TMCO6: variants seen among roughly 807,000 people sequenced by gnomAD.
TMCO6 encodes transmembrane and coiled-coil domain-containing protein 6.
In TMCO6, 47 loss-of-function variants were observed where a neutral mutation model predicts 61.8. That is an observed-to-expected ratio of 0.76 (90% confidence interval 0.60 to 0.97). The LOEUF is 0.97. TMCO6 is among the 50% of genes least tolerant of loss of function. The pLI, the probability that TMCO6 is intolerant of heterozygous loss-of-function variation, is 0.00. For missense variants in TMCO6, 557 were observed against 601.6 expected (o/e 0.93, Z 0.78); for synonymous variants, 261 against 254.2 (o/e 1.03, Z -0.25).
chr5:140,647,610 C>G, downstream of TMCO6: 1 of 1,604,808 alleles, frequency 6.2e-7, no homozygotes, highest in Non-Finnish European at 8.5e-7. Context: ...GTCGCCAATT[C>G]CAGGTCTTCA....
At chr5:140,630,586 TTGATGAAGTG>T in the TMCO6 span, among the ~76,000 whole-genome samples, 141 of 152,358 alleles carry the variant, frequency 9.3e-4, no homozygotes, top group African/African-American at 3.2e-3. Context: ...CTGTAACCAT[TTGATGAAGTG>T]TGATCAGAGC....
rs562146927 is a variant in TMCO6 at position 140,644,555 on chromosome 5, ATAT to A, written c.1201-17_1201-15del. On this transcript the variant is annotated splice_polypyrimidine_tract_variant and intron_variant, in intron 10 of 11. Coordinates refer to ENST00000394671, the MANE Select transcript of TMCO6 (RefSeq NM_018502.5). ...TTGTGTTTCATTCTTTGTAGACTAT[ATAT>A]GTGTCTATCTGCAGGTGCTCACAGT... 697 of 1,613,406 alleles carry A rather than the reference ATAT, an allele frequency of 4.3e-4. No homozygotes were observed. Among genetic ancestry groups the A allele is most frequent in the Admixed American group, 1.3e-3 (75 of 59,876 alleles).
At chr5:140,647,197 C>T, downstream of TMCO6, 1 of 1,504,424 alleles carries the variant, frequency 6.6e-7, no homozygotes, top group Non-Finnish European at 8.9e-7. Context: ...GCGGTCCCTT[C>T]TCTTCTCAAA....
rs371732987 is a variant in TMCO6 at position 140,644,728 on chromosome 5, G to T, written c.1356G>T (p.Leu452=). Residue 452 remains leucine (L), a synonymous_variant, in exon 11 of 12, where the codon CTG becomes CTT. Transcript: ENST00000394671. ...QSLELLHLLF[L]YQPEAVQVFL... ...TGGAGCTGCTGCATCTGCTGTTCCT[G>T]TATCAGCCAGAGGTATAGGTTTCTG... 1 of 1,614,070 alleles carries T rather than the reference G, an allele frequency of 6.2e-7. No individual in the cohort carries two copies. The highest frequency in any genetic ancestry group is 8.5e-7 in the Non-Finnish European group (1 of 1,180,032).
At chr5:140,643,344 G>A (rs1581466085) in intron 7 of TMCO6, 9 of 586,534 alleles carry the variant, frequency 1.5e-5, no homozygotes, top group East Asian at 6.2e-5. Context: ...CTACAGATGC[G>A]TGCCACTATG....
chr5:140,632,535 C>T, the TMCO6 span: 1 of 1,614,156 alleles, frequency 6.2e-7, no homozygotes, highest in South Asian at 1.1e-5. This position sits in a 1 kb window ranked among gnomAD's most constrained non-coding sequence, Gnocchi z 6.2. Context: ...CGACACGTTG[C>T]GTAGGCGCAA....
chr5:140,610,111 G>C, the TMCO6 span, among the ~76,000 whole-genome samples: 2 of 150,412 alleles, frequency 1.3e-5, no homozygotes, highest in East Asian at 3.9e-4. Context: ...CACTTTGGGA[G>C]GCTGAGGTGG....
At chr5:140,647,631 T>C (rs778593), downstream of TMCO6, 660,949 of 1,589,954 alleles carry the variant, frequency 0.42, 138,696 homozygotes, top group East Asian at 0.47. Context: ...GGCCAAGTGC[T>C]CCGGTCTGAC....
chr5:140,647,646 C>T (rs748460855), downstream of TMCO6: 180 of 1,572,632 alleles, frequency 1.1e-4, 1 homozygote, highest in Middle Eastern at 1.2e-3. Context: ...TCTGACCAAC[C>T]GCGGACCCTA....
At chr5:140,630,687 C>T in the TMCO6 span, among the ~76,000 whole-genome samples, 1 of 152,170 alleles carries the variant, frequency 6.6e-6, no homozygotes, top group East Asian at 1.9e-4. Flanking sequence ...GTTGAAGGCC[C>T]CTTGGGGACA....
At chr5:140,632,030 C>T in the TMCO6 span, 1 of 1,614,220 alleles carries the variant, frequency 6.2e-7, no homozygotes, top group Admixed American at 1.7e-5. This position sits in a 1 kb window ranked among gnomAD's most constrained non-coding sequence, Gnocchi z 6.2. Context: ...CCACCTCGGG[C>T]AGCTCGTCAG....
At position 140,645,288 on chromosome 5, in the gene TMCO6, CAG is replaced by C. The variant is rs962464939; in HGVS notation, c.*191_*192del. Reference sequence around the variant, plus strand: ...CCAGGCAGGAGGACCAAAAGGGACTCAGTGTGGTCTACTTACTCTGGGGCCCT... The same window carrying C: ...CCAGGCAGGAGGACCAAAAGGGACTCTGTGGTCTACTTACTCTGGGGCCCT... On this transcript the variant is annotated 3_prime_UTR_variant, in exon 12 of 12. Coordinates refer to ENST00000394671, the MANE Select transcript of TMCO6 (RefSeq NM_018502.5). The C allele has an allele frequency of 3.1e-5, 22 of 709,926 alleles. No homozygotes were observed. The African/African-American group carries it at 3.9e-4, about 13-fold the overall frequency. The allele number at this position is 709,926 out of a possible 1,614,324, so 44.0% of individuals were successfully genotyped here.
chr5:140,615,576 G>C, the TMCO6 span, among the ~76,000 whole-genome samples: 2 of 152,088 alleles, frequency 1.3e-5, no homozygotes, highest in Non-Finnish European at 2.9e-5. Flanking sequence ...AAACAGTGTG[G>C]TACTAGCATA....
At chr5:140,609,101 C>T in the TMCO6 span, 1 of 152,564 alleles carries the variant, frequency 6.6e-6, no homozygotes, top group Admixed American at 6.5e-5. Context: ...CTGTGCCACC[C>T]CATGACTGGG....
the TMCO6 span, among the ~76,000 whole-genome samples, chr5:140,611,774 C>G: frequency 5.9e-5 from 9 of 152,262 alleles, no homozygotes; most frequent in Admixed American, 5.9e-4. Context: ...TGCAGCCATT[C>G]TTTCTTAAAC....
At chr5:140,631,898 C>G in the TMCO6 span, 1 of 1,592,048 alleles carries the variant, frequency 6.3e-7, no homozygotes, top group Non-Finnish European at 8.6e-7. Context: ...CCAGGGTTCC[C>G]GACACCCCCA....
chr5:140,633,362 A>G, the TMCO6 span: 1 of 553,096 alleles, frequency 1.8e-6, no homozygotes, highest in East Asian at 3.2e-5. Context: ...CAGGGCATCT[A>G]GGGTTCTGTG....
At chr5:140,604,711 T>G in the TMCO6 span, among the ~76,000 whole-genome samples, 1 of 152,012 alleles carries the variant, frequency 6.6e-6, no homozygotes, top group Non-Finnish European at 1.5e-5. Context: ...AGTTCTGTTA[T>G]TTAAGTTGTT....
chr5:140,605,724 CACACACACACACACA>C, the TMCO6 span, among the ~76,000 whole-genome samples: 441 of 104,492 alleles, frequency 4.2e-3, 6 homozygotes, highest in Non-Finnish European at 4.4e-3. Flanking sequence ...CACACACACA[CACACACACACACACA>C]AAGAAAGAAG....
Sources: gnomAD v4.1 joint callset for allele counts (sites outside exome capture counted in the v4.1 genomes callset) on GRCh38, gnomAD v4.1.1 for gene constraint, Gnocchi (gnomAD v3.1) non-coding constraint, MANE v1.5 for transcripts, NCBI Gene and HGNC (gene_info 2026-07-23, HGNC 2026-07-21) for gene names.